STAT5B: variants seen among roughly 807,000 people sequenced by gnomAD.
STAT5B encodes signal transducer and activator of transcription 5B.
Under a neutral mutation model 107.8 loss-of-function variants are expected in STAT5B, and 21 were observed. The observed-to-expected ratio is 0.19, with a 90% confidence interval of 0.14 to 0.28. STAT5B has a LOEUF of 0.28. STAT5B is among the 10% of genes least tolerant of loss of function. The pLI is 1.00. For synonymous variants in STAT5B, 325 were observed against 401.7 expected, an observed-to-expected ratio of 0.81 and a Z score of 2.28; for missense variants, 565 against 1,008.2, an observed-to-expected ratio of 0.56 and a Z score of 5.95.
intron 1 of STAT5B, among the ~76,000 whole-genome samples, chr17:42,242,978 C>T (rs2080417302): frequency 7.1e-6 from 1 of 141,546 alleles, no homozygotes; most frequent in Non-Finnish European, 1.5e-5. Flanking sequence ...CCCAGGGACA[C>T]AAACACTGCG....
Position 42,210,514 on chromosome 17 carries a change from C to A in STAT5B, c.1681-17G>T, listed in dbSNP as rs762372449. 13 of 1,604,538 alleles carry A rather than the reference C, an allele frequency of 8.1e-6. No individual in the cohort carries two copies. The highest frequency in any genetic ancestry group is 8.5e-6 in the Non-Finnish European group (10 of 1,171,558). ...TAAATTCTCCTGGTTGGAGATACAACAGTGAACATAAGAACACCAGAGTAA... is the reference window on the plus strand; with the variant it reads ...TAAATTCTCCTGGTTGGAGATACAAAAGTGAACATAAGAACACCAGAGTAA... On this transcript the variant is annotated splice_polypyrimidine_tract_variant and intron_variant, in intron 13 of 18. Coordinates refer to ENST00000293328, the MANE Select transcript of STAT5B (RefSeq NM_012448.4).
chr17:42,245,881 C>T (rs2080447646), intron 1 of STAT5B, among the ~76,000 whole-genome samples: 1 of 151,890 alleles, frequency 6.6e-6, no homozygotes, highest in African/African-American at 2.4e-5. Context: ...GCCTGGTGTC[C>T]AACTCTTGGC....
intron 1 of STAT5B, among the ~76,000 whole-genome samples, chr17:42,244,278 A>G (rs1454499577): frequency 1.5e-5 from 2 of 134,668 alleles, no homozygotes; most frequent in Non-Finnish European, 3.1e-5. Context: ...TTTTTTAGAG[A>G]TGGGGTCTTG....
chr17:42,262,802 GTATA>G (rs200282520), intron 1 of STAT5B, among the ~76,000 whole-genome samples: 3 of 92,300 alleles, frequency 3.3e-5, no homozygotes, highest in African/African-American at 5.4e-5. Context: ...ATATATGTGT[GTATA>G]TATACACACA....
chr17:42,201,238 GAAGAA>G lies in STAT5B; in HGVS notation c.*495_*499del. Reference sequence around the variant, plus strand: ...TCAAAAAGCAGTTATCTACATTTCAGAAGAAAAGCAGAGACAATCACGGTTATATA... The same window carrying G: ...TCAAAAAGCAGTTATCTACATTTCAGAAGCAGAGACAATCACGGTTATATA... On this transcript the variant is annotated 3_prime_UTR_variant, in exon 19 of 19. Transcript: ENST00000293328. 2.3e-6 allele frequency: 1 copy of G among 426,692 alleles called. No individual in the cohort carries two copies. The allele number at this position is 426,692 out of a possible 1,614,324, so 26.4% of individuals were successfully genotyped here.
chr17:42,224,701 T>A, intron 4 of STAT5B, 78 bp downstream of exon 4: 1 of 1,455,020 alleles, frequency 6.9e-7, no homozygotes, highest in Non-Finnish European at 9.6e-7. Flanking sequence ...CTGAGTCACC[T>A]TGACAAAGGT....
In STAT5B at chr17:42,219,744, G is replaced by A. The variant is rs1341873415; in HGVS notation, c.649C>T (p.Arg217Cys). ...TACTGCTGCAGTGTCTGTGCCTCAC[G>A]CTGCAACCAGGCCTCCAGAGACACC... Reference protein sequence around the residue: ...KQVSLEAWLQREAQTLQQYRV... With the variant: ...KQVSLEAWLQCEAQTLQQYRV... Residue 217 changes from arginine (R) to cysteine (C), a missense_variant, in exon 6 of 19, where the codon CGT (arginine) becomes TGT (cysteine). Physicochemically the swap from Arg to Cys is radical, Grantham distance 180 (BLOSUM62 -3). Around this residue, in one of 11 missense-constraint regions of STAT5B, gnomAD observed 56 missense variants for 104.5 expected, o/e 0.54. Coordinates refer to ENST00000293328, the MANE Select transcript of STAT5B (RefSeq NM_012448.4). 9.3e-6 allele frequency: 15 copies of A among 1,608,732 alleles called. No homozygotes were observed. The highest frequency in any genetic ancestry group is 3.4e-5 in the Admixed American group (2 of 59,094).
At chr17:42,222,509 G>A (rs1169307683) in intron 5 of STAT5B, among the ~76,000 whole-genome samples, 1 of 152,022 alleles carries the variant, frequency 6.6e-6, no homozygotes, top group Admixed American at 6.6e-5. Flanking sequence ...ATCATATACA[G>A]GTCCTTAGTA....
intron 5 of STAT5B, among the ~76,000 whole-genome samples, chr17:42,221,693 A>T (rs1471876589): frequency 6.6e-6 from 1 of 152,372 alleles, no homozygotes; most frequent in East Asian, 1.9e-4. Context: ...CAGATAAAAA[A>T]GGAAGACAGG....
At chr17:42,249,004 T>A (rs2080475970) in intron 1 of STAT5B, among the ~76,000 whole-genome samples, 3 of 152,126 alleles carry the variant, frequency 2.0e-5, no homozygotes, top group Non-Finnish European at 2.9e-5. Flanking sequence ...TTCAACGTGG[T>A]GGAAGTGTTA....
intron 3 of STAT5B, among the ~76,000 whole-genome samples, chr17:42,226,799 A>C (rs2080275958): frequency 8.8e-6 from 1 of 113,038 alleles, no homozygotes; most frequent in Non-Finnish European, 1.8e-5. Context: ...CAAGAGTGAA[A>C]CTCCATCTCA....
Position 42,207,690 on chromosome 17 carries a change from T to C in STAT5B, c.1945A>G (p.Arg649Gly). 6.2e-7 allele frequency: 1 copy of C among 1,614,152 alleles called. No individual in the cohort carries two copies. The highest frequency in any genetic ancestry group is 8.5e-7 in the Non-Finnish European group (1 of 1,180,028). ...GCTAGGGACCGAATGGAGAAGTCTC[T>C]GGTGGTAAAAGGCATCAGATTCCAA... ...MFWNLMPFTT[R>G]DFSIRSLADR... Residue 649 changes from arginine (R) to glycine (G), a missense_variant, in exon 16 of 19, where the codon AGA becomes GGA. Transcript: ENST00000293328.
intron 18 of STAT5B, 66 bp downstream of exon 18, chr17:42,202,274 A>G (rs1327983262): frequency 1.2e-5 from 19 of 1,585,286 alleles, no homozygotes; most frequent in Non-Finnish European, 1.6e-5. Context: ...CCAGCCCTCC[A>G]GGGGTCCAGC....
At position 42,251,815 on chromosome 17, in the gene STAT5B, T is replaced by C. The variant is rs181591823; in HGVS notation, c.-10-19678A>G. Among the ~76,000 whole-genome samples the C allele has an allele frequency of 2.3e-3, 357 of 152,058 alleles. 1 individual carries two copies. The highest frequency in any genetic ancestry group is 3.1e-3 in the Non-Finnish European group (211 of 67,970). On this transcript the variant is annotated intron_variant, in intron 1 of 18. Coordinates refer to ENST00000293328, the MANE Select transcript of STAT5B (RefSeq NM_012448.4). ...GAGCTCAAGACCAGACTGGCCAGCA[T>C]GGTGAAACCCCGTCTCTACTAAAAA... is the stretch of plus-strand genomic sequence containing the variant.
At chr17:42,221,027 A>G (rs1284258642) in intron 5 of STAT5B, among the ~76,000 whole-genome samples, 7 of 151,606 alleles carry the variant, frequency 4.6e-5, no homozygotes, top group African/African-American at 1.5e-4. Flanking sequence ...GCGCACCAGC[A>G]TGTCTTGGTC....
At chr17:42,228,475 A>C (rs1263503864) in intron 2 of STAT5B, among the ~76,000 whole-genome samples, 1 of 152,244 alleles carries the variant, frequency 6.6e-6, no homozygotes, top group Non-Finnish European at 1.5e-5. Context: ...CAAATTACTT[A>C]CTCACTGAAG....
chr17:42,221,017 G>A (rs573944874), intron 5 of STAT5B, among the ~76,000 whole-genome samples: 6 of 151,854 alleles, frequency 4.0e-5, no homozygotes, highest in Admixed American at 1.3e-4. Flanking sequence ...CAGAAGATGC[G>A]CGCACCAGCA....
At chr17:42,237,153 T>G (rs1268061932) in intron 1 of STAT5B, among the ~76,000 whole-genome samples, 1 of 152,218 alleles carries the variant, frequency 6.6e-6, no homozygotes, top group Non-Finnish European at 1.5e-5. Context: ...CTGTACTTTC[T>G]GAAGGCATAA....
intron 15 of STAT5B, among the ~76,000 whole-genome samples, chr17:42,208,782 A>C (rs2144214429): frequency 6.6e-6 from 1 of 151,838 alleles, no homozygotes; most frequent in South Asian, 2.1e-4. Context: ...CCCAGGCTGG[A>C]GTGCAGTGGC....
Sources: allele counts gnomAD v4.1 joint callset (sites outside exome capture counted in the v4.1 genomes callset), GRCh38; gene constraint gnomAD v4.1.1; regional missense constraint gnomAD v4.1.1; transcripts MANE v1.5; gene names NCBI Gene and HGNC (gene_info 2026-07-23, HGNC 2026-07-21).